The following IQCJ variants were observed in gnomAD, a reference collection of about 807,000 sequenced individuals.
IQCJ encodes IQ motif containing J.
In IQCJ, 9 loss-of-function variants were observed where a neutral mutation model predicts 11.0. The observed-to-expected ratio is 0.82, with a 90% CI of 0.49 to 1.43. The LOEUF is 1.43. IQCJ is among the 40% of genes most tolerant of loss of function. IQCJ has a pLI of 0.00. For synonymous variants in IQCJ, 55 were observed against 51.3 expected (o/e 1.07, Z -0.31); for missense variants, 146 against 133.2 (o/e 1.10, Z -0.47).
intron 1 of IQCJ, among the ~76,000 whole-genome samples, chr3:159,236,347 T>C (rs1030692851): frequency 6.6e-6 from 1 of 152,180 alleles, no homozygotes; most frequent in African/African-American, 2.4e-5. Flanking sequence ...TTTTTATTTT[T>C]GATGCCTTTT....
intron 1 of IQCJ, among the ~76,000 whole-genome samples, chr3:159,216,419 G>A (rs1725238537): frequency 6.6e-6 from 1 of 152,018 alleles, no homozygotes; most frequent in Non-Finnish European, 1.5e-5. Flanking sequence ...TTGCTTAATG[G>A]CTGCTTCCCC....
chr3:159,101,579 A>G (rs563260628), intron 1 of IQCJ, among the ~76,000 whole-genome samples: 16 of 152,308 alleles, frequency 1.1e-4, no homozygotes, highest in East Asian at 7.7e-4. Context: ...GTTCATTGAC[A>G]TCTTCTCTGC....
chr3:159,252,995 C>A (rs188148849), intron 3 of IQCJ, among the ~76,000 whole-genome samples, 188 bp downstream of exon 3: 1 of 152,190 alleles, frequency 6.6e-6, no homozygotes, highest in Non-Finnish European at 1.5e-5. Flanking sequence ...CTGGGTAGTA[C>A]AGGGAATTAT....
intron 1 of IQCJ, among the ~76,000 whole-genome samples, chr3:159,201,738 C>T (rs1222022892): frequency 6.7e-6 from 1 of 149,716 alleles, no homozygotes; most frequent in Non-Finnish European, 1.5e-5. Flanking sequence ...GGGTTCACGC[C>T]ATTCACCTGC....
intron 1 of IQCJ, among the ~76,000 whole-genome samples, chr3:159,091,662 A>ACGCACG (rs1232608703): frequency 1.9e-5 from 1 of 53,404 alleles, no homozygotes; most frequent in African/African-American, 6.8e-5. Context: ...ACACACACAC[A>ACGCACG]CACACACGCA....
chr3:159,185,750 A>G (rs1012659911), intron 1 of IQCJ, among the ~76,000 whole-genome samples: 52 of 152,214 alleles, frequency 3.4e-4, no homozygotes, highest in Admixed American at 3.4e-3. Flanking sequence ...GGGTGCTTCA[A>G]TTCTTCATTT....
intron 2 of IQCJ, among the ~76,000 whole-genome samples, chr3:159,248,711 G>A (rs1210979322): frequency 6.6e-6 from 1 of 152,072 alleles, no homozygotes; most frequent in Admixed American, 6.5e-5. Context: ...ACGGAGTTGG[G>A]GTTGAGAACC....
chr3:159,083,427 A>G (rs1271937351), intron 1 of IQCJ, among the ~76,000 whole-genome samples: 1 of 152,170 alleles, frequency 6.6e-6, no homozygotes, highest in Non-Finnish European at 1.5e-5. Flanking sequence ...CTATGTATCA[A>G]ATCAGAATGG....
chr3:159,073,509 C>A (rs1715719853), intron 1 of IQCJ, among the ~76,000 whole-genome samples: 2 of 152,104 alleles, frequency 1.3e-5, no homozygotes, highest in African/African-American at 2.4e-5. Flanking sequence ...CACTCTCAGG[C>A]ATTTTGCCTG....
intron 1 of IQCJ, among the ~76,000 whole-genome samples, chr3:159,183,757 G>A (rs1723228378): frequency 6.6e-6 from 1 of 152,134 alleles, no homozygotes; most frequent in African/African-American, 2.4e-5. Flanking sequence ...AGGATCAGGT[G>A]AGACATTACA....
chr3:159,197,090 C>G (rs1724032972), intron 1 of IQCJ, among the ~76,000 whole-genome samples: 1 of 151,672 alleles, frequency 6.6e-6, no homozygotes. Context: ...TCTTCTACTT[C>G]CTTTGCCACT....
intron 1 of IQCJ, among the ~76,000 whole-genome samples, chr3:159,140,688 C>G (rs1270145363): frequency 6.6e-6 from 1 of 152,184 alleles, no homozygotes; most frequent in Non-Finnish European, 1.5e-5. Flanking sequence ...TGCTACACAG[C>G]AACTGTGAAT....
In IQCJ at chr3:159,154,645, G is replaced by A. The variant is rs111260921; in HGVS notation, c.9+85204G>A. On this transcript the variant is annotated intron_variant, in intron 1 of 3. Transcript: ENST00000397832. ...AGGTTTGGTCTACTCACTTCTTCAA[G>A]CAAAGCCTTTTCAAACTCAAAGAAG... Among the ~76,000 whole-genome samples the A allele has an allele frequency of 2.9e-3, 436 of 152,206 alleles. 1 individual carries two copies. The highest frequency in any genetic ancestry group is 0.01 in the African/African-American group (420 of 41,528).
intron 1 of IQCJ, among the ~76,000 whole-genome samples, chr3:159,142,433 A>T (rs78727275): frequency 9.6e-6 from 1 of 104,616 alleles, no homozygotes; most frequent in African/African-American, 2.8e-5. Context: ...TCCCCCCCCC[A>T]CCAGATGGAG....
intron 1 of IQCJ, among the ~76,000 whole-genome samples, chr3:159,089,093 G>A (rs1717030862): frequency 6.6e-6 from 1 of 151,814 alleles, no homozygotes; most frequent in South Asian, 2.1e-4. Flanking sequence ...CTTCCTTCAG[G>A]AGCTCTTTTA....
At chr3:159,220,408 C>A (rs1049729026) in intron 1 of IQCJ, among the ~76,000 whole-genome samples, 1 of 151,980 alleles carries the variant, frequency 6.6e-6, no homozygotes, top group Non-Finnish European at 1.5e-5. Flanking sequence ...GGAGGAAGCA[C>A]CAGGGAAATG....
At chr3:159,189,489 C>A (rs77378252) in intron 1 of IQCJ, among the ~76,000 whole-genome samples, 2,885 of 152,244 alleles carry the variant, frequency 0.019, 96 homozygotes, top group African/African-American at 0.066. Context: ...TCATTTTACT[C>A]TGCACAAACT....
At chr3:159,192,053 G>A (rs1448054125) in intron 1 of IQCJ, among the ~76,000 whole-genome samples, 6 of 152,186 alleles carry the variant, frequency 3.9e-5, no homozygotes, top group African/African-American at 1.4e-4. Context: ...AGTCCTATAA[G>A]TTCAAGAGGT....
intron 1 of IQCJ, among the ~76,000 whole-genome samples, chr3:159,242,268 C>T (rs1408846555): frequency 1.3e-5 from 2 of 152,022 alleles, no homozygotes; most frequent in Non-Finnish European, 2.9e-5. Flanking sequence ...GATGGAAAAC[C>T]ACTGAATTAT....
Sources: gnomAD v4.1 joint callset for allele counts (sites outside exome capture counted in the v4.1 genomes callset) on GRCh38, gnomAD v4.1.1 for gene constraint, MANE v1.5 for transcripts, NCBI Gene and HGNC (gene_info 2026-07-23, HGNC 2026-07-21) for gene names.